DNAJC2: variants seen among roughly 807,000 people sequenced by gnomAD.
DNAJC2 encodes the protein DnaJ heat shock protein family (Hsp40) member C2.
DNAJC2 carries 32 observed loss-of-function variants against 94.0 expected under a neutral mutation model. The observed-to-expected ratio is 0.34, with a 90% CI of 0.26 to 0.46. DNAJC2 has a LOEUF of 0.46. Ranked by LOEUF, DNAJC2 falls within the 20% of genes least tolerant of loss-of-function variation. DNAJC2 has a pLI of 1.00. For missense variants in DNAJC2, 550 were observed against 719.5 expected (o/e 0.76, Z 2.69); for synonymous variants, 210 against 229.7 (o/e 0.91, Z 0.77).
In DNAJC2 at chr7:103,313,069, C is replaced by T. The variant is rs766327826; in HGVS notation, c.1669G>A (p.Glu557Lys). The part of the protein sequence containing the change: ...PYTDFTPWTT[E>K]EQKLLEQALK... ...GCTTGTTCCAAAAGCTTCTGTTCTTCTGTTGTCCAAGGGGTGAAGTCTGTA... is the reference window on the plus strand; with the variant it reads ...GCTTGTTCCAAAAGCTTCTGTTCTTTTGTTGTCCAAGGGGTGAAGTCTGTA... Residue 557 changes from glutamate to lysine, a missense_variant, in exon 16 of 17, where the codon GAA becomes AAA. Glu to Lys is a moderately conservative substitution (Grantham distance 56). Coordinates refer to ENST00000379263, the MANE Select transcript of DNAJC2 (RefSeq NM_014377.3). 8 of 1,613,874 alleles carry T rather than the reference C, an allele frequency of 5.0e-6. No individual in the cohort carries two copies. Among genetic ancestry groups the T allele is most frequent in the Non-Finnish European group, 6.8e-6 (8 of 1,179,894 alleles).
At chr7:103,341,694 A>C (rs1308192660) in intron 2 of DNAJC2, 70 bp downstream of exon 2, 3 of 1,278,092 alleles carry the variant, frequency 2.3e-6, no homozygotes, top group Non-Finnish European at 3.2e-6. Context: ...TTATTAATGG[A>C]AAACTCATAA....
intron 3 of DNAJC2, among the ~76,000 whole-genome samples, chr7:103,333,256 C>A (rs1819043599): frequency 6.6e-6 from 1 of 152,184 alleles, no homozygotes; most frequent in Non-Finnish European, 1.5e-5. Flanking sequence ...TTTTAAACCT[C>A]TGAATTGAAT....
At chr7:103,326,503 C>G (rs1186469214) in intron 5 of DNAJC2, 40 bp downstream of exon 5, 3 of 1,605,736 alleles carry the variant, frequency 1.9e-6, no homozygotes, top group Non-Finnish European at 8.5e-7. Context: ...AATAAACAAG[C>G]CAACAGGGCA....
At chr7:103,320,189 A>G (rs1818305513) in intron 10 of DNAJC2, among the ~76,000 whole-genome samples, 1 of 152,062 alleles carries the variant, frequency 6.6e-6, no homozygotes. Flanking sequence ...CCCGGGTTCA[A>G]GCTATTCTTC....
chr7:103,327,306 T>A (rs1259966655), intron 4 of DNAJC2: 1 of 1,221,284 alleles, frequency 8.2e-7, no homozygotes, highest in East Asian at 5.4e-5. Flanking sequence ...AATCTTAGTA[T>A]TCTCATCATT....
chr7:103,339,589 T>C (rs1030998388), intron 2 of DNAJC2, among the ~76,000 whole-genome samples: 3 of 151,920 alleles, frequency 2.0e-5, no homozygotes, highest in African/African-American at 7.2e-5. Context: ...AACTTTTAGT[T>C]TGCCAAATCC....
intron 15 of DNAJC2, 155 bp from the exon 16 acceptor site, chr7:103,313,256 A>G (rs1172433055): frequency 7.4e-7 from 1 of 1,356,426 alleles, no homozygotes; most frequent in Non-Finnish European, 9.5e-7. Context: ...TAGCCCTCTG[A>G]GTGTTAATAA....
At chr7:103,325,449 G>GAAAAAAAAAAAAAAAAAAAAAAAAAAGAA (rs35877928) in intron 5 of DNAJC2, among the ~76,000 whole-genome samples, 1 of 145,990 alleles carries the variant, frequency 6.8e-6, no homozygotes, top group Non-Finnish European at 1.5e-5. Flanking sequence ...AATAAAAAAG[G>GAAAAAAAAAAAAAAAAAAAAAAAAAAGAA]AAAAAAAAAA....
intron 1 of DNAJC2, 133 bp from the exon 2 acceptor site, chr7:103,342,087 A>T (rs1235831221): frequency 1.8e-5 from 10 of 560,832 alleles, no homozygotes; most frequent in Non-Finnish European, 2.3e-5. Context: ...CCGACTACGA[A>T]AATAATTGCA....
At chr7:103,342,816 G>A (rs1819434727) in intron 1 of DNAJC2, among the ~76,000 whole-genome samples, 1 of 151,162 alleles carries the variant, frequency 6.6e-6, no homozygotes, top group East Asian at 2.0e-4. Context: ...CACCATATTA[G>A]CCAGGATGGT....
chr7:103,332,097 C>A (rs1053243493), intron 3 of DNAJC2, among the ~76,000 whole-genome samples: 13 of 151,444 alleles, frequency 8.6e-5, no homozygotes, highest in Admixed American at 2.6e-4. Flanking sequence ...CTCTGCCTCT[C>A]GGGTTCATGC....
rs371202592 is a variant in DNAJC2 at position 103,312,746 on chromosome 7, C to T, written c.1792-103G>A. The T allele has an allele frequency of 3.2e-5, 49 of 1,538,280 alleles. No homozygotes were observed. In the East Asian group the frequency reaches 3.4e-4, roughly 11 times the overall value. On this transcript the variant is annotated intron_variant, in intron 16 of 16. Coordinates refer to ENST00000379263, the MANE Select transcript of DNAJC2 (RefSeq NM_014377.3). ...ATTCAAGCAACTAAGATAGATAGTA[C>T]TAAATATACTGATTTCATTATCTGC...
intron 3 of DNAJC2, among the ~76,000 whole-genome samples, chr7:103,330,747 GCT>G (rs1212980373): frequency 7.1e-6 from 1 of 141,124 alleles, no homozygotes; most frequent in African/African-American, 3.0e-5. Flanking sequence ...ATCACACCCA[GCT>G]CTTTTTTTTT....
At chr7:103,316,613 GAAAC>G in intron 13 of DNAJC2, 1 of 487,690 alleles carries the variant, frequency 2.1e-6, no homozygotes, top group Non-Finnish European at 3.6e-6. Flanking sequence ...AATTTCCTGA[GAAAC>G]AAGTATTCTG....
chr7:103,327,792 A>G (rs778119167), intron 3 of DNAJC2, 38 bp from the exon 4 acceptor site: 2 of 1,393,490 alleles, frequency 1.4e-6, no homozygotes, highest in Admixed American at 3.7e-5. Flanking sequence ...TTGTCACTTT[A>G]AGCACCAAAA....
chr7:103,317,082 C>G (rs1818112430), intron 12 of DNAJC2, 68 bp from the exon 13 acceptor site: 4 of 1,405,950 alleles, frequency 2.8e-6, no homozygotes, highest in Non-Finnish European at 3.9e-6. Context: ...CTCTTCCTGG[C>G]TAGGGCTTTG....
intron 3 of DNAJC2, among the ~76,000 whole-genome samples, chr7:103,335,043 A>G (rs1819116016): frequency 6.6e-6 from 1 of 152,130 alleles, no homozygotes; most frequent in Non-Finnish European, 1.5e-5. Flanking sequence ...CATGTTGGCC[A>G]GGCTGGTCTC....
chr7:103,317,067 A>G lies in DNAJC2; in HGVS notation c.1243-53T>C. 8 of 1,477,412 alleles carry G rather than the reference A, an allele frequency of 5.4e-6. No individual in the cohort carries two copies. In the Admixed American group the frequency reaches 1.1e-4, roughly 20 times the overall value. The allele number at this position is 1,477,412 out of a possible 1,614,324, so 91.5% of individuals were successfully genotyped here. A position where few individuals can be genotyped will look rare whatever the true frequency, so the allele number is the denominator to read the frequency against. ...TAGAAGTATACTGTATTGCTATTCTACACTCTCTTCCTGGCTAGGGCTTTG... is the reference window on the plus strand; with the variant it reads ...TAGAAGTATACTGTATTGCTATTCTGCACTCTCTTCCTGGCTAGGGCTTTG... On this transcript the variant is annotated intron_variant, in intron 12 of 16. Transcript: ENST00000379263.
chr7:103,318,851 A>G (rs1028185036), intron 12 of DNAJC2, among the ~76,000 whole-genome samples: 1 of 152,234 alleles, frequency 6.6e-6, no homozygotes, highest in Non-Finnish European at 1.5e-5. Flanking sequence ...AGATACCACA[A>G]ATCAAACACT....
Sources: allele counts gnomAD v4.1 joint callset (sites outside exome capture counted in the v4.1 genomes callset), GRCh38; gene constraint gnomAD v4.1.1; transcripts MANE v1.5; gene names NCBI Gene and HGNC (gene_info 2026-07-23, HGNC 2026-07-21).